Variants in PLEKHA5 observed in about 807,000 individuals in gnomAD.
PLEKHA5 encodes the protein pleckstrin homology domain containing A5, also known as pleckstrin homology domain-containing family A member 5.
Under a neutral mutation model 181.9 loss-of-function variants are expected in PLEKHA5, and 55 were observed. The observed-to-expected ratio is 0.30, with a 90% CI of 0.24 to 0.38. The LOEUF is 0.38. Ranked by LOEUF, PLEKHA5 falls within the 10% of genes least tolerant of loss-of-function variation. PLEKHA5 has a pLI of 1.00. For missense variants in PLEKHA5, 1,432 were observed against 1,549.5 expected (o/e 0.92, Z 1.27); for synonymous variants, 535 against 529.4 (o/e 1.01, Z -0.15).
intron 3 of PLEKHA5, among the ~76,000 whole-genome samples, chr12:19,189,860 C>T (rs1384623892): frequency 1.3e-5 from 2 of 152,136 alleles, no homozygotes; most frequent in African/African-American, 4.8e-5. Context: ...TAGAAAAGGG[C>T]TCTTTTGAGA....
Position 19,287,553 on chromosome 12 carries a change from A to T in PLEKHA5, c.1860A>T (p.Lys620Asn). ...QSVSPQSLQGKTPEELTLLLI... is the reference protein window; with the variant it reads ...QSVSPQSLQGNTPEELTLLLI... ...TTAGTCCCCAGAGCCTCCAAGGGAAAACGGTGAGTAATATCTTTATTTACC... is the reference window on the plus strand; with the variant it reads ...TTAGTCCCCAGAGCCTCCAAGGGAATACGGTGAGTAATATCTTTATTTACC... Residue 620 changes from lysine to asparagine, a missense_variant, in exon 13 of 32, where the codon AAA becomes AAT. Transcript: ENST00000429027. The T allele has an allele frequency of 6.5e-7, 1 of 1,542,928 alleles. No homozygotes were observed. Among genetic ancestry groups the T allele is most frequent in the Non-Finnish European group, 9.0e-7 (1 of 1,116,948 alleles).
At chr12:19,359,692 G>A (rs892156636) in intron 28 of PLEKHA5, 146 bp downstream of exon 28, 25 of 753,322 alleles carry the variant, frequency 3.3e-5, no homozygotes, top group Middle Eastern at 7.5e-4. Flanking sequence ...GGCCGGGCGC[G>A]GTGGCTCACG....
chr12:19,209,937 A>C (rs998845443), intron 3 of PLEKHA5, among the ~76,000 whole-genome samples: 2 of 152,182 alleles, frequency 1.3e-5, no homozygotes, highest in Non-Finnish European at 2.9e-5. Context: ...CATTCCTCTC[A>C]TCAAACAAAG....
chr12:19,355,325 TATA>T (rs953873461), intron 26 of PLEKHA5, among the ~76,000 whole-genome samples: 12 of 150,784 alleles, frequency 8.0e-5, no homozygotes, highest in African/African-American at 2.9e-4. Flanking sequence ...AGGTACTACA[TATA>T]AGATATATGG....
chr12:19,202,597 T>C (rs1452097864), intron 3 of PLEKHA5, among the ~76,000 whole-genome samples: 2 of 40,916 alleles, frequency 4.9e-5, no homozygotes, highest in Non-Finnish European at 3.0e-4. Flanking sequence ...CAACAACAGA[T>C]TGCAGTGTTA....
intron 20 of PLEKHA5, among the ~76,000 whole-genome samples, chr12:19,334,829 A>AAAAAATATAT: frequency 1.6e-4 from 3 of 18,602 alleles, no homozygotes; most frequent in African/African-American, 3.6e-4. Context: ...AAAAAAAAAA[A>AAAAAATATAT]ATATATATAT....
In PLEKHA5 at chr12:19,173,422, C is replaced by T. The variant is rs905617234; in HGVS notation, c.227+40972C>T. Among the ~76,000 whole-genome samples, 17 of 150,086 alleles carry T rather than the reference C, an allele frequency of 1.1e-4. No individual in the cohort carries two copies. The Admixed American group carries it at 1.1e-3, about 10-fold the overall frequency. On this transcript the variant is annotated intron_variant, in intron 3 of 31. Transcript: ENST00000429027. ...TTAATTTCTTTTTATTGCCAGTTTT[C>T]AATCTCTGCCCATCAGAATAGTAAA... is the stretch of plus-strand genomic sequence containing the variant.
rs370991059 is a variant in PLEKHA5, at chr12:19,347,060, A to G, written c.2776A>G (p.Ile926Val). 1.8e-4 allele frequency: 278 copies of G among 1,551,700 alleles called. 1 individual carries two copies. Among genetic ancestry groups the G allele is most frequent in the Non-Finnish European group, 2.6e-5 (30 of 1,146,792 alleles). Residue 926 changes from isoleucine to valine, a missense_variant, in exon 24 of 32, where the codon ATA becomes GTA. Physicochemically the swap from Ile to Val is conservative, Grantham distance 29. Coordinates refer to ENST00000429027, the MANE Select transcript of PLEKHA5 (RefSeq NM_001256470.2). ...RSYDFTEQPP[I>V]IPPLPSDSSS... is the part of the protein sequence containing the mutation. ...CTATGACTTTACAGAGCAGCCTCCC[A>G]TAATCCCCCCTCTGCCCAGTGATAG...
chr12:19,352,329 G>T (rs1173972198), intron 25 of PLEKHA5, among the ~76,000 whole-genome samples: 1 of 151,202 alleles, frequency 6.6e-6, no homozygotes, highest in Non-Finnish European at 1.5e-5. Flanking sequence ...AGGTTGCAGT[G>T]AGCCGAGATC....
In PLEKHA5 at chr12:19,343,303, C is replaced by G. The variant is rs763235013; in HGVS notation, c.2551-20C>G. ...AATGATTTTTTTTCTTATATATGGT[C>G]TATCCATTTTTACTGATAGACGGAA... On this transcript the variant is annotated intron_variant, in intron 21 of 31. Coordinates refer to ENST00000429027, the MANE Select transcript of PLEKHA5 (RefSeq NM_001256470.2). 4 of 1,463,436 alleles carry G rather than the reference C, an allele frequency of 2.7e-6. No homozygotes were observed. The South Asian group carries it at 3.5e-5, about 13-fold the overall frequency. 90.7% of individuals were successfully genotyped at this position (1,463,436 alleles called of 1,614,324 possible).
rs567317913 is a variant in PLEKHA5 at position 19,130,072 on chromosome 12, C to T, written c.111C>T (p.Thr37=). 7.2e-5 allele frequency: 114 copies of T among 1,591,418 alleles called. 1 individual carries two copies. In the South Asian group the frequency reaches 1.2e-3, roughly 16 times the overall value. Residue 37 remains threonine, a synonymous_variant, in exon 2 of 32, where the codon ACC becomes ACT. Transcript: ENST00000429027. The surrounding 1 kb of genome is among the most constrained non-coding windows in gnomAD (Gnocchi z 4.5). The part of the protein sequence containing the change: ...FFINEEAKST[T]WLHPVTGEAV... ...GCAGCGAGGAGGCCAAGAGCACCAC[C>T]TGGCTGCACCCCGTCACCGGCGAGG...
intron 22 of PLEKHA5, among the ~76,000 whole-genome samples, chr12:19,344,181 A>T (rs986395121): frequency 6.6e-6 from 1 of 152,202 alleles, no homozygotes; most frequent in Non-Finnish European, 1.5e-5. Flanking sequence ...GACATATATA[A>T]TTGAGTTTCT....
chr12:19,255,517 G>A (rs1475638202), intron 5 of PLEKHA5, among the ~76,000 whole-genome samples: 4 of 151,688 alleles, frequency 2.6e-5, no homozygotes, highest in Non-Finnish European at 5.9e-5. Context: ...CATTGTAATA[G>A]TATATTATGT....
intron 3 of PLEKHA5, among the ~76,000 whole-genome samples, chr12:19,203,586 C>A (rs1030317600): frequency 2.6e-5 from 4 of 151,946 alleles, no homozygotes; most frequent in African/African-American, 7.2e-5. Context: ...AAAGTTCACC[C>A]CTCTCACAAA....
intron 3 of PLEKHA5, among the ~76,000 whole-genome samples, chr12:19,161,900 T>C (rs1001109598): frequency 4.6e-5 from 7 of 152,168 alleles, no homozygotes; most frequent in Admixed American, 4.6e-4. Context: ...CGAATATTCT[T>C]TCCTTCAGGG....
intron 15 of PLEKHA5, chr12:19,307,277 A>C: frequency 2.4e-6 from 1 of 424,088 alleles, no homozygotes; most frequent in Non-Finnish European, 4.3e-6. Flanking sequence ...GTTCGAGACC[A>C]ACCTGACCAA....
At chr12:19,363,359 G>A (rs1391311997) in intron 29 of PLEKHA5, among the ~76,000 whole-genome samples, 9 of 151,156 alleles carry the variant, frequency 6.0e-5, no homozygotes, top group Non-Finnish European at 1.2e-4. Context: ...TAGTAGAGAC[G>A]GGGTTTCACC....
chr12:19,272,314 A>T (rs1246837436), intron 10 of PLEKHA5, among the ~76,000 whole-genome samples: 1 of 152,178 alleles, frequency 6.6e-6, no homozygotes, highest in African/African-American at 2.4e-5. Flanking sequence ...TATTTATGGT[A>T]CCTTAGCATA....
intron 3 of PLEKHA5, among the ~76,000 whole-genome samples, chr12:19,232,414 G>C (rs1044409880): frequency 3.3e-5 from 5 of 152,062 alleles, no homozygotes; most frequent in Admixed American, 1.3e-4. Flanking sequence ...TACTAATCTC[G>C]TACAAGAAGT....
Sources: gnomAD v4.1 joint callset for allele counts (sites outside exome capture counted in the v4.1 genomes callset) on GRCh38, gnomAD v4.1.1 for gene constraint, Gnocchi (gnomAD v3.1) non-coding constraint, MANE v1.5 for transcripts, NCBI Gene and HGNC (gene_info 2026-07-23, HGNC 2026-07-21) for gene names.